The following HIPK1 variants were observed in gnomAD, a reference collection of about 807,000 sequenced individuals.
HIPK1 encodes the protein homeodomain interacting protein kinase 1, also known as homeodomain-interacting protein kinase 1.
A neutral mutation model predicts 117.1 loss-of-function variants in HIPK1; 28 were observed. The ratio of observed to expected loss-of-function variants is 0.24; its 90% CI spans 0.18 to 0.33. The LOEUF (loss-of-function observed/expected upper bound fraction) is 0.33, where lower values mean the gene tolerates loss of function less well. Among genes scored for constraint, HIPK1 ranks in the 10% least tolerant of loss-of-function variants. HIPK1 has a pLI of 1.00. For synonymous variants in HIPK1, 605 were observed against 562.5 expected (o/e 1.08, Z -1.07); for missense variants, 1,122 against 1,475.1 (o/e 0.76, Z 3.92).
Position 113,977,791 on chromosome 1 carries a change from A to G in HIPK1, c.*4279A>G, listed in dbSNP as rs919311771. The G allele has an allele frequency of 5.2e-5, 8 of 152,784 alleles. No individual in the cohort carries two copies. The highest frequency in any genetic ancestry group is 1.9e-4 in the African/African-American group (8 of 41,456). 9.5% of individuals were successfully genotyped at this position (152,784 alleles called of 1,614,324 possible). On this transcript the variant is annotated 3_prime_UTR_variant, in exon 16 of 16. Coordinates refer to ENST00000426820, the MANE Select transcript of HIPK1 (RefSeq NM_198268.3). ...TTGCAATGCATCAATAAAATGGGTA[A>G]ATTTTCTGACTTATGTGGCTGTTTT...
intron 3 of HIPK1, among the ~76,000 whole-genome samples, chr1:113,953,678 C>T (rs1397133499): frequency 6.6e-6 from 1 of 151,932 alleles, no homozygotes; most frequent in East Asian, 1.9e-4. Context: ...CCACCATGAC[C>T]AACTAATTTT....
chr1:113,957,419 T>C (rs1387567349), intron 7 of HIPK1, 133 bp downstream of exon 7: 7 of 681,840 alleles, frequency 1.0e-5, no homozygotes, highest in African/African-American at 1.8e-5. Context: ...TTGACAAAAG[T>C]TGATGGAAAA....
In HIPK1 at chr1:113,973,028, A is replaced by C; in HGVS notation, c.3149A>C (p.Gln1050Pro). 1 of 1,515,136 alleles carries C rather than the reference A, an allele frequency of 6.6e-7. No homozygotes were observed. 93.9% of individuals were successfully genotyped at this position (1,515,136 alleles called of 1,614,324 possible). Residue 1050 changes from glutamine (Q) to proline (P), a missense_variant, in exon 16 of 16, where the codon CAG becomes CCG. Transcript: ENST00000426820. Reference sequence around the variant, plus strand: ...CTTCTTCCTTCTTTCTTCCAGAACCAGCAGTCATCGGCGGCTCCAACCTCA... The same window carrying C: ...CTTCTTCCTTCTTTCTTCCAGAACCCGCAGTCATCGGCGGCTCCAACCTCA... The part of the protein sequence containing the change: ...AAQPLNLSQN[Q>P]QSSAAPTSQE...
intron 1 of HIPK1, among the ~76,000 whole-genome samples, chr1:113,935,968 G>GC (rs1670221255): frequency 6.6e-6 from 1 of 152,170 alleles, no homozygotes; most frequent in South Asian, 2.1e-4. Flanking sequence ...CTCCACCTAG[G>GC]AAGAGAATTG....
chr1:113,961,036 A>G (rs1170610487), intron 8 of HIPK1, among the ~76,000 whole-genome samples: 1 of 152,342 alleles, frequency 6.6e-6, no homozygotes, highest in Non-Finnish European at 1.5e-5. Context: ...CACTTAACAA[A>G]ATTGCAGACA....
chr1:113,953,907 G>A (rs1349552579), intron 3 of HIPK1: 1 of 152,060 alleles, frequency 6.6e-6, no homozygotes, highest in Non-Finnish European at 1.5e-5. Context: ...TGTATCCTCA[G>A]CTCCTAACAC....
intron 9 of HIPK1, among the ~76,000 whole-genome samples, chr1:113,962,694 C>CT (rs771361323): frequency 2.6e-5 from 4 of 152,092 alleles, no homozygotes; most frequent in Admixed American, 2.6e-4. Flanking sequence ...TAAGTTTACT[C>CT]TAATTTTGCG....
At chr1:113,964,571 A>C (rs1672328405) in intron 10 of HIPK1, among the ~76,000 whole-genome samples, 2 of 152,236 alleles carry the variant, frequency 1.3e-5, no homozygotes, top group South Asian at 4.1e-4. Context: ...CTGTTTTCAA[A>C]GTTGCTTTAA....
Position 113,956,705 on chromosome 1 carries a change from A to G in HIPK1, c.1486A>G (p.Lys496Glu), listed in dbSNP as rs774912540. ...ADRREYIDLL[K>E]KMLTIDADKR... ...CCGAAGAGAATACATTGATCTGTTA[A>G]AGAAAATGCTCACAATTGATGCAGA... is the stretch of plus-strand genomic sequence containing the variant. The change falls in exon 6 of 16, where the codon AAG becomes GAG. Residue 496 changes from lysine (K) to glutamate (E), a missense_variant. Physicochemically the swap from Lys to Glu is moderately conservative, Grantham distance 56. Coordinates refer to ENST00000426820, the MANE Select transcript of HIPK1 (RefSeq NM_198268.3). 1 of 1,614,082 alleles carries G rather than the reference A, an allele frequency of 6.2e-7. No homozygotes were observed. Among genetic ancestry groups the G allele is most frequent in the South Asian group, 1.1e-5 (1 of 91,080 alleles).
chr1:113,970,022 CTCT>C lies in HIPK1; in HGVS notation c.2843_2845del (p.Ser948del). ...CTGTCAATGATTCTCCAGACTCTGA[CTCT>C]TCTTTGAGCAGCCCTTATTCCACTG... On this transcript the variant is annotated inframe_deletion, in exon 14 of 16. Transcript: ENST00000426820. The C allele has an allele frequency of 6.2e-7, 1 of 1,614,118 alleles. No homozygotes were observed. Among genetic ancestry groups the C allele is most frequent in the East Asian group, 2.2e-5 (1 of 44,888 alleles).
chr1:113,941,118 T>C lies in HIPK1; in HGVS notation c.735T>C (p.Asn245=). The change falls in exon 2 of 16, where the codon AAT becomes AAC. Residue 245 remains asparagine (N), a synonymous_variant. Transcript: ENST00000426820. The surrounding 1 kb of genome is among the most constrained non-coding windows in gnomAD (Gnocchi z 4.9). ...VSILSRLSSE[N]ADEYNFVRSY... ...TCCTTTCCCGCCTAAGCAGTGAAAA[T>C]GCTGATGAGTATAATTTTGTCCGTT... The C allele has an allele frequency of 1.8e-5, 29 of 1,614,188 alleles. No homozygotes were observed. Among genetic ancestry groups the C allele is most frequent in the Non-Finnish European group, 2.2e-5 (26 of 1,180,028 alleles).
chr1:113,942,759 G>A (rs1454034190), intron 2 of HIPK1, among the ~76,000 whole-genome samples: 5 of 151,948 alleles, frequency 3.3e-5, no homozygotes, highest in Non-Finnish European at 7.4e-5. Context: ...CCATAACCAA[G>A]GCTTTTAAAA....
intron 8 of HIPK1, among the ~76,000 whole-genome samples, chr1:113,961,751 C>T (rs1672121556): frequency 1.3e-5 from 2 of 151,876 alleles, no homozygotes; most frequent in Admixed American, 6.6e-5. Context: ...CGAGACCAGC[C>T]TGGCCAACAT....
At chr1:113,939,148 A>T (rs1180888230) in intron 1 of HIPK1, among the ~76,000 whole-genome samples, 1 of 151,776 alleles carries the variant, frequency 6.6e-6, no homozygotes, top group Non-Finnish European at 1.5e-5. Context: ...GGAAACAGAC[A>T]TCCCTAATTT....
intron 10 of HIPK1, among the ~76,000 whole-genome samples, chr1:113,965,867 A>G (rs1672408515): frequency 6.6e-6 from 1 of 152,172 alleles, no homozygotes; most frequent in Admixed American, 6.5e-5. Context: ...GTATAATAGA[A>G]GCTCTTAACC....
At position 113,952,257 on chromosome 1, in the gene HIPK1, A is replaced by AT. The variant is rs34718017; in HGVS notation, c.1077-497dup. On this transcript the variant is annotated intron_variant, in intron 2 of 15. Coordinates refer to ENST00000426820, the MANE Select transcript of HIPK1 (RefSeq NM_198268.3). ...CCCAGTTGACCAGGCCTTTTAATTG[A>AT]TTTTTTTTTTTTATGATTGAAATGG... 2.1e-3 allele frequency among the ~76,000 whole-genome samples: 318 copies of AT among 148,380 alleles called. 3 individuals carry two copies. Among genetic ancestry groups the AT allele is most frequent in the Middle Eastern group, 0.01 (3 of 286 alleles).
intron 1 of HIPK1, among the ~76,000 whole-genome samples, chr1:113,931,215 A>T (rs1165540563): frequency 1.4e-5 from 2 of 146,346 alleles, no homozygotes; most frequent in Non-Finnish European, 3.0e-5. Flanking sequence ...AACTATTACT[A>T]GCTTTTTTCA....
chr1:113,933,985 A>G (rs1461418816), intron 1 of HIPK1, among the ~76,000 whole-genome samples: 1 of 152,174 alleles, frequency 6.6e-6, no homozygotes, highest in Non-Finnish European at 1.5e-5. Flanking sequence ...TTCTGTTGGG[A>G]AGAATTTTCT....
intron 10 of HIPK1, 104 bp downstream of exon 10, chr1:113,963,625 T>C (rs1214587918): frequency 3.5e-6 from 5 of 1,429,266 alleles, no homozygotes; most frequent in African/African-American, 2.9e-5. Context: ...GGTTTATTTT[T>C]CAAAAAAATT....
Sources: allele counts gnomAD v4.1 joint callset (sites outside exome capture counted in the v4.1 genomes callset), GRCh38; gene constraint gnomAD v4.1.1; non-coding constraint Gnocchi (gnomAD v3.1); transcripts MANE v1.5; gene names NCBI Gene and HGNC (gene_info 2026-07-23, HGNC 2026-07-21).